The following IQCK variants were observed in gnomAD, a reference collection of about 807,000 sequenced individuals.
IQCK encodes the protein IQ domain-containing protein K.
In IQCK, 29 loss-of-function variants were observed where a neutral mutation model predicts 28.1. The ratio of observed to expected loss-of-function variants is 1.03; its 90% CI spans 0.77 to 1.41. The LOEUF is 1.41. IQCK is among the 40% of genes most tolerant of loss of function. The pLI is 0.00. For missense variants in IQCK, 359 were observed against 314.7 expected, an observed-to-expected ratio of 1.14 and a Z score of -1.07; for synonymous variants, 113 against 115.1, an observed-to-expected ratio of 0.98 and a Z score of 0.12.
At position 19,765,628 on chromosome 16, in the gene IQCK, G is replaced by A. The variant is rs375269940; in HGVS notation, c.605+1516G>A. Among the ~76,000 whole-genome samples the A allele has an allele frequency of 1.4e-4, 21 of 152,130 alleles. No individual in the cohort carries two copies. The South Asian group carries it at 4.4e-3, about 32-fold the overall frequency. ...GAATACCAAGATGAATAGACCCTTG[G>A]CTGACTCTGGCAATTTTGAGAATTT... On this transcript the variant is annotated intron_variant, in intron 6 of 7. Transcript: ENST00000564186.
intron 4 of IQCK, among the ~76,000 whole-genome samples, chr16:19,737,874 C>A (rs1393725240): frequency 6.6e-6 from 1 of 152,108 alleles, no homozygotes; most frequent in Non-Finnish European, 1.5e-5. Context: ...CTCCTCTTCT[C>A]TGCATATTTA....
intron 7 of IQCK, among the ~76,000 whole-genome samples, chr16:19,818,129 G>T (rs906174111): frequency 6.6e-6 from 1 of 152,180 alleles, no homozygotes; most frequent in African/African-American, 2.4e-5. Context: ...GGTTTGGGTT[G>T]CTGAGATCAC....
At chr16:19,849,920 A>G (rs1470159796) in intron 9 of IQCK, among the ~76,000 whole-genome samples, 1 of 152,162 alleles carries the variant, frequency 6.6e-6, no homozygotes, top group African/African-American at 2.4e-5. Flanking sequence ...CTCCTTGGAG[A>G]CATGATTAAC....
At position 19,856,410 on chromosome 16, in the gene IQCK, A is replaced by G. The variant is rs2056562867; in HGVS notation, c.803-77A>G. ...GTGCAACTGACCTTGTCCACACATC[A>G]GAGTTTCCGGTTTCCCAATGACAAG... On this transcript the variant is annotated intron_variant, in intron 9 of 9. Coordinates refer to the IQCK transcript ENST00000320394. 3.3e-6 allele frequency: 4 copies of G among 1,227,898 alleles called. No individual in the cohort carries two copies. The Admixed American group carries it at 5.4e-5, about 17-fold the overall frequency. The allele number at this position is 1,227,898 out of a possible 1,614,324, so 76.1% of individuals were successfully genotyped here.
intron 6 of IQCK, among the ~76,000 whole-genome samples, chr16:19,769,565 G>A (rs1402323553): frequency 6.6e-6 from 1 of 152,216 alleles, no homozygotes; most frequent in Non-Finnish European, 1.5e-5. Flanking sequence ...AACCAGCATC[G>A]CTAGCTCCTG....
intron 6 of IQCK, among the ~76,000 whole-genome samples, chr16:19,772,564 C>A (rs1284124629): frequency 6.6e-6 from 1 of 151,968 alleles, no homozygotes; most frequent in African/African-American, 2.4e-5. Flanking sequence ...ATTACATATT[C>A]TATGGACAGG....
chr16:19,760,830 C>A (rs1240497566), intron 4 of IQCK, among the ~76,000 whole-genome samples: 2 of 152,112 alleles, frequency 1.3e-5, no homozygotes, highest in East Asian at 3.9e-4. Flanking sequence ...CAGAGCAGCC[C>A]CGAGGGCTGC....
intron 7 of IQCK, among the ~76,000 whole-genome samples, chr16:19,818,226 C>A (rs1756143900): frequency 6.6e-6 from 1 of 152,026 alleles, no homozygotes; most frequent in South Asian, 2.1e-4. Context: ...GAGCATGAGA[C>A]TTTAAGAAAT....
chr16:19,755,894 CA>C (rs1328873937), intron 4 of IQCK, among the ~76,000 whole-genome samples: 1 of 152,166 alleles, frequency 6.6e-6, no homozygotes, highest in Non-Finnish European at 1.5e-5. Flanking sequence ...CTGAAAGAGT[CA>C]AAACAGGCCA....
intron 7 of IQCK, among the ~76,000 whole-genome samples, chr16:19,805,717 C>T (rs1351772691): frequency 3.4e-4 from 52 of 152,186 alleles, no homozygotes; most frequent in Non-Finnish European, 2.9e-5. Flanking sequence ...GCTGTACAAA[C>T]AAAAGCAATT....
At chr16:19,857,057 AACAAGATGAG>A (rs2141132567) in exon 10 of IQCK, 1 of 172,520 alleles carries the variant, frequency 5.8e-6, no homozygotes, top group East Asian at 1.8e-4. Flanking sequence ...CTGCAAACCC[AACAAGATGAG>A]ACACTTAAAC....
At chr16:19,736,173 G>T (rs563015391) in intron 4 of IQCK, 1 of 455,670 alleles carries the variant, frequency 2.2e-6, no homozygotes. Context: ...TAAACTGCTC[G>T]CAGAGAGTCT....
downstream of IQCK, chr16:19,827,195 A>G (rs764949280): frequency 5.6e-6 from 7 of 1,241,112 alleles, no homozygotes; most frequent in East Asian, 2.3e-5. Flanking sequence ...TTCTTATTCC[A>G]GGCTCAAGAA....
intron 1 of IQCK, among the ~76,000 whole-genome samples, chr16:19,719,418 T>C (rs1308500901): frequency 1.3e-5 from 2 of 151,666 alleles, no homozygotes; most frequent in Non-Finnish European, 2.9e-5. Context: ...AAACCCCGTC[T>C]CTACTGAAAA....
At chr16:19,857,859 C>T (rs918923018) in exon 10 of IQCK, 2 of 153,588 alleles carry the variant, frequency 1.3e-5, no homozygotes, top group African/African-American at 4.8e-5. Context: ...TCAGAGCTGA[C>T]TCCCTTCTCT....
chr16:19,778,943 T>G (rs545817645), intron 6 of IQCK, among the ~76,000 whole-genome samples: 1 of 152,210 alleles, frequency 6.6e-6, no homozygotes, highest in South Asian at 2.1e-4. Flanking sequence ...TTCCTAGGGC[T>G]ACTGCGAGAA....
chr16:19,741,816 G>A (rs547876959), intron 4 of IQCK, among the ~76,000 whole-genome samples: 16 of 152,040 alleles, frequency 1.1e-4, no homozygotes, highest in African/African-American at 2.7e-4. Flanking sequence ...GTGAAATCCC[G>A]TCTCTACTAA....
intron 4 of IQCK, among the ~76,000 whole-genome samples, chr16:19,751,002 A>G (rs2054979318): frequency 6.6e-6 from 1 of 151,940 alleles, no homozygotes; most frequent in Admixed American, 6.6e-5. Context: ...GGGCTGCTGG[A>G]GTTAGGTGGG....
intron 9 of IQCK, among the ~76,000 whole-genome samples, chr16:19,841,484 C>G (rs762527270): frequency 6.6e-6 from 1 of 152,164 alleles, no homozygotes; most frequent in Non-Finnish European, 1.5e-5. Context: ...CATTGGAACC[C>G]TGGCTGGCAA....
Sources: gnomAD v4.1 joint callset for allele counts (sites outside exome capture counted in the v4.1 genomes callset) on GRCh38, gnomAD v4.1.1 for gene constraint, MANE v1.5 for transcripts, NCBI Gene and HGNC (gene_info 2026-07-23, HGNC 2026-07-21) for gene names.